ALK: variants seen among roughly 807,000 people sequenced by gnomAD.
ALK encodes the protein ALK tyrosine kinase receptor.
In ALK, 74 loss-of-function variants were observed where a neutral mutation model predicts 163.1. The observed-to-expected ratio is 0.45, with a 90% CI of 0.38 to 0.55. ALK has a LOEUF of 0.55. Ranked by LOEUF, ALK falls within the 20% of genes least tolerant of loss-of-function variation. The pLI, the probability that ALK is intolerant of heterozygous loss-of-function variation, is 0.00. For synonymous variants in ALK, 960 were observed against 843.2 expected, an observed-to-expected ratio of 1.14 and a Z score of -2.40; for missense variants, 2,063 against 2,105.3, an observed-to-expected ratio of 0.98 and a Z score of 0.39.
In ALK at chr2:29,222,601, C is replaced by G. The variant is rs758871506; in HGVS notation, c.3366G>C (p.Leu1122=). 2 of 1,613,772 alleles carry G rather than the reference C, an allele frequency of 1.2e-6. No individual in the cohort carries two copies. Among genetic ancestry groups the G allele is most frequent in the Non-Finnish European group, 1.7e-6 (2 of 1,179,930 alleles). ...ACACCTCCCCAAAGGCGCCATGGCCCAGACCCCTGTGCAAAGGAGAAGACA... is the reference window on the plus strand; with the variant it reads ...ACACCTCCCCAAAGGCGCCATGGCCGAGACCCCTGTGCAAAGGAGAAGACA... ...PRKNITLIRG[L]GHGAFGEVYE... The change falls in exon 21 of 29, where the codon CTG becomes CTC. Residue 1122 remains leucine, a synonymous_variant. Coordinates refer to ENST00000389048, the MANE Select transcript of ALK (RefSeq NM_004304.5).
rs1668912567 is a variant in ALK at position 29,193,137 on chromosome 2, G to T, written c.*87C>A. 1.4e-6 allele frequency: 2 copies of T among 1,390,612 alleles called. No homozygotes were observed. The highest frequency in any genetic ancestry group is 1.4e-5 in the African/African-American group (1 of 69,804). The allele number at this position is 1,390,612 out of a possible 1,614,324, so 86.1% of individuals were successfully genotyped here. ...TGGCACAAAACAAAACGTGACATTT[G>T]GTCTCTGGTTTGTGAAGGAGCCATT... On this transcript the variant is annotated 3_prime_UTR_variant, in exon 29 of 29. Transcript: ENST00000389048.
chr2:29,578,503 A>G (rs1674587578), intron 3 of ALK, among the ~76,000 whole-genome samples: 1 of 152,192 alleles, frequency 6.6e-6, no homozygotes, highest in Non-Finnish European at 1.5e-5. Context: ...GAGGATGGTT[A>G]TTCCAGTGTT....
At chr2:29,669,156 T>G (rs1183911742) in intron 3 of ALK, among the ~76,000 whole-genome samples, 2 of 152,046 alleles carry the variant, frequency 1.3e-5, no homozygotes, top group Non-Finnish European at 2.9e-5. Flanking sequence ...CTCTGTTGAT[T>G]TTCTGTCTGG....
intron 1 of ALK, among the ~76,000 whole-genome samples, chr2:29,806,992 A>G (rs1023180997): frequency 2.0e-5 from 3 of 152,230 alleles, no homozygotes; most frequent in Non-Finnish European, 4.4e-5. Context: ...CCATAATTAA[A>G]GAGATCTTAG....
intron 3 of ALK, among the ~76,000 whole-genome samples, chr2:29,663,662 C>T (rs1359032408): frequency 6.6e-6 from 1 of 151,902 alleles, no homozygotes; most frequent in Non-Finnish European, 1.5e-5. Context: ...ATGAATCAGG[C>T]AATATTTTCA....
rs1032400602 is a variant in ALK at position 29,921,304 on chromosome 2, C to T, written c.-645G>A. 4.3e-5 allele frequency: 10 copies of T among 233,226 alleles called. No individual in the cohort carries two copies. The highest frequency in any genetic ancestry group is 1.2e-3 in the Middle Eastern group (1 of 808). 14.4% of individuals were successfully genotyped at this position (233,226 alleles called of 1,614,324 possible). On this transcript the variant is annotated 5_prime_UTR_variant, in exon 1 of 29. Coordinates refer to ENST00000389048, the MANE Select transcript of ALK (RefSeq NM_004304.5). ...TTCTGGGCGTGAATCCCAGCCCCCG[C>T]GCTGCGCAAGTTTGCAGCGTCCTTG...
chr2:29,823,879 T>G (rs987825599), intron 1 of ALK, among the ~76,000 whole-genome samples: 2 of 151,918 alleles, frequency 1.3e-5, no homozygotes, highest in Admixed American at 1.3e-4. Context: ...TAATAAGGAG[T>G]TGCATATTAA....
At chr2:29,365,176 G>A (rs1439606418) in intron 5 of ALK, among the ~76,000 whole-genome samples, 2 of 152,246 alleles carry the variant, frequency 1.3e-5, no homozygotes, top group African/African-American at 2.4e-5. Context: ...GCTGAAGCAA[G>A]AGTTGCTAGA....
At chr2:29,643,998 T>C (rs1461676883) in intron 3 of ALK, among the ~76,000 whole-genome samples, 14 of 151,058 alleles carry the variant, frequency 9.3e-5, no homozygotes, top group African/African-American at 3.2e-4. Flanking sequence ...GGAACCAACC[T>C]AAATGTCCAA....
intron 1 of ALK, among the ~76,000 whole-genome samples, chr2:29,778,763 T>C (rs1298422102): frequency 1.3e-5 from 2 of 152,060 alleles, no homozygotes; most frequent in East Asian, 1.9e-4. Flanking sequence ...GGATCCACTC[T>C]TATAAGGAAA....
chr2:29,920,593 T>A lies in ALK; in HGVS notation c.67A>T (p.Met23Leu), dbSNP rs987433112. 1.9e-6 allele frequency: 3 copies of A among 1,569,386 alleles called. No individual in the cohort carries two copies. The highest frequency in any genetic ancestry group is 2.6e-6 in the Non-Finnish European group (3 of 1,163,836). The change falls in exon 1 of 29, where the codon ATG becomes TTG. Residue 23 changes from methionine to leucine, a missense_variant. Coordinates refer to ENST00000389048, the MANE Select transcript of ALK (RefSeq NM_004304.5). Reference sequence around the variant, plus strand: ...GAGCCCGCGCGCTGGCCGGTCCCCATCCCGGAGCCCACAGCTGCCGTGGAA... The same window carrying A: ...GAGCCCGCGCGCTGGCCGGTCCCCAACCCGGAGCCCACAGCTGCCGTGGAA... ...LLSTAAVGSGMGTGQRAGSPA... is the reference protein window; with the variant it reads ...LLSTAAVGSGLGTGQRAGSPA...
chr2:29,513,104 C>G (rs947501735), intron 4 of ALK, among the ~76,000 whole-genome samples: 2 of 151,286 alleles, frequency 1.3e-5, no homozygotes, highest in African/African-American at 4.9e-5. Context: ...AATGCCGTCC[C>G]CATCAAGCTA....
intron 3 of ALK, among the ~76,000 whole-genome samples, chr2:29,647,775 CTTTTT>C (rs34620705): frequency 7.7e-5 from 9 of 117,210 alleles, no homozygotes; most frequent in Middle Eastern, 5.1e-3. Flanking sequence ...ATGATTTTTT[CTTTTT>C]TTTTTTTTTT....
At chr2:29,633,035 A>T (rs1676422798) in intron 3 of ALK, among the ~76,000 whole-genome samples, 1 of 152,150 alleles carries the variant, frequency 6.6e-6, no homozygotes, top group Non-Finnish European at 1.5e-5. Context: ...ATCATCCACC[A>T]CGCTGACACT....
chr2:29,851,889 A>G (rs899013606), intron 1 of ALK, among the ~76,000 whole-genome samples: 6 of 152,254 alleles, frequency 3.9e-5, no homozygotes, highest in Non-Finnish European at 7.3e-5. Flanking sequence ...TTCTTTACAG[A>G]TGGACCAGCC....
chr2:29,465,361 T>A (rs1671184561), intron 4 of ALK, among the ~76,000 whole-genome samples: 1 of 152,148 alleles, frequency 6.6e-6, no homozygotes, highest in Non-Finnish European at 1.5e-5. Flanking sequence ...GAAAAATAGT[T>A]TTTTAGACAA....
intron 4 of ALK, among the ~76,000 whole-genome samples, chr2:29,447,788 G>C (rs1056563217): frequency 6.6e-6 from 1 of 152,164 alleles, no homozygotes; most frequent in Admixed American, 6.5e-5. Context: ...CACACATCTT[G>C]TCTTTGGGAT....
intron 1 of ALK, among the ~76,000 whole-genome samples, chr2:29,882,121 G>A (rs1291377109): frequency 3.3e-5 from 5 of 152,146 alleles, no homozygotes; most frequent in Admixed American, 6.5e-5. Flanking sequence ...TTCTAAGCTG[G>A]CCATGAAAAG....
chr2:29,666,095 A>G (rs1677504890), intron 3 of ALK, among the ~76,000 whole-genome samples: 3 of 152,140 alleles, frequency 2.0e-5, no homozygotes, highest in Non-Finnish European at 2.9e-5. Flanking sequence ...ATGAGACACT[A>G]TAAAATCTTT....
Sources: gnomAD v4.1 joint callset for allele counts (sites outside exome capture counted in the v4.1 genomes callset) on GRCh38, gnomAD v4.1.1 for gene constraint, MANE v1.5 for transcripts, NCBI Gene and HGNC (gene_info 2026-07-23, HGNC 2026-07-21) for gene names.